The following NEURL4 variants were observed in gnomAD, a reference collection of about 807,000 sequenced individuals.
NEURL4 encodes the protein neuralized-like protein 4.
A neutral mutation model predicts 148.0 loss-of-function variants in NEURL4; 45 were observed. That is an observed-to-expected ratio of 0.30 (90% CI 0.24 to 0.39). The LOEUF is 0.39. Ranked by LOEUF, NEURL4 falls within the 10% of genes least tolerant of loss-of-function variation. The probability of loss-of-function intolerance (pLI) is 1.00; values close to 1 mark genes in which losing one functional copy is unlikely to be tolerated. For synonymous variants in NEURL4, 854 were observed against 869.0 expected, an observed-to-expected ratio of 0.98 and a Z score of 0.30; for missense variants, 1,776 against 2,144.0, an observed-to-expected ratio of 0.83 and a Z score of 3.39.
chr17:7,327,206 G>A lies in NEURL4; in HGVS notation c.752C>T (p.Ala251Val). ...GCTGTTAGGAAACGTCTCCGGCCGG[G>A]CCTGCGCTGGGGACACCATGAAGGC... is the stretch of plus-strand genomic sequence containing the variant. The part of the protein sequence containing the change: ...DEAFMVSPAQ[A>V]RPETFPNSLE... The change falls in exon 3 of 29, where the codon GCC (alanine) becomes GTC (valine). Residue 251 changes from alanine to valine, a missense_variant. By Grantham distance (64) the Ala-to-Val change is moderately conservative. Transcript: ENST00000399464. The surrounding 1 kb of genome is among the most constrained non-coding windows in gnomAD (Gnocchi z 6.6). The A allele has an allele frequency of 6.2e-7, 1 of 1,611,818 alleles. No individual in the cohort carries two copies. The highest frequency in any genetic ancestry group is 2.2e-5 in the East Asian group (1 of 44,854).
chr17:7,325,162 C>CAAAAAAAAA, intron 8 of NEURL4, 47 bp downstream of exon 8: 3 of 748,830 alleles, frequency 4.0e-6, no homozygotes, highest in Non-Finnish European at 6.4e-6. Flanking sequence ...CCCCCCCCCC[C>CAAAAAAAAA]CATTAGAATC....
Position 7,327,218 on chromosome 17 carries a change from G to T in NEURL4, c.740C>A (p.Ser247Tyr). 6.2e-7 allele frequency: 1 copy of T among 1,610,916 alleles called. No homozygotes were observed. The highest frequency in any genetic ancestry group is 8.5e-7 in the Non-Finnish European group (1 of 1,179,412). Residue 247 changes from serine (S) to tyrosine (Y), a missense_variant, in exon 3 of 29, where the codon TCC becomes TAC. Ser to Tyr is a moderately radical substitution (Grantham distance 144). Transcript: ENST00000399464. The surrounding 1 kb of genome is among the most constrained non-coding windows in gnomAD (Gnocchi z 6.6). The stretch of plus-strand genomic sequence containing the variant: ...CGTCTCCGGCCGGGCCTGCGCTGGG[G>T]ACACCATGAAGGCTGGGGACCAGGT... ...GTSADEAFMV[S>Y]PAQARPETFP... is the part of the protein sequence containing the mutation.
chr17:7,318,932 T>C lies in NEURL4; in HGVS notation c.3684+118A>G. ...CTACTCGCCCTTGCCTGCCCATTAC[T>C]GTTCCCCTTTTACACCTGTGGTCCT... On this transcript the variant is annotated intron_variant, in intron 22 of 28. Transcript: ENST00000399464. This position sits in a 1 kb window ranked among gnomAD's most constrained non-coding sequence, Gnocchi z 4.3. The C allele has an allele frequency of 8.3e-7, 1 of 1,204,640 alleles. No homozygotes were observed. The highest frequency in any genetic ancestry group is 2.4e-5 in the East Asian group (1 of 41,956). 74.6% of individuals were successfully genotyped at this position (1,204,640 alleles called of 1,614,324 possible).
rs756578159 is a variant in NEURL4, at chr17:7,329,076, T to C, written c.237A>G (p.Glu79=). ...EFNHGLVLSR[E]PLRDGRVFTV... is the part of the protein sequence containing the mutation. The stretch of plus-strand genomic sequence containing the variant: ...TGAAGACGCGTCCATCGCGCAAGGG[T>C]TCTCGGCTCAACACCAGCCCGTGGT... Residue 79 remains glutamate, a synonymous_variant, in exon 1 of 29, where the codon GAA becomes GAG. Transcript: ENST00000399464. The C allele has an allele frequency of 6.2e-7, 1 of 1,603,742 alleles. No homozygotes were observed. The highest frequency in any genetic ancestry group is 1.1e-5 in the South Asian group (1 of 89,116).
chr17:7,327,005 A>G lies in NEURL4; in HGVS notation c.798T>C (p.Phe266=). Residue 266 remains phenylalanine (F), a synonymous_variant, in exon 4 of 29, where the codon TTT becomes TTC. Coordinates refer to ENST00000399464, the MANE Select transcript of NEURL4 (RefSeq NM_032442.3). The surrounding 1 kb of genome is among the most constrained non-coding windows in gnomAD (Gnocchi z 6.6). ...CCACCTCAGACAGCTCCATGTTGGC[A>G]AAGTCTATAGCAGCAGGATGGAAGA... is the stretch of plus-strand genomic sequence containing the variant. The part of the protein sequence containing the change: ...FPNSLESHND[F]ANMELSEVVS... The G allele has an allele frequency of 6.2e-7, 1 of 1,610,376 alleles. No individual in the cohort carries two copies.
chr17:7,316,301 G>A lies in NEURL4; in HGVS notation c.4511C>T (p.Thr1504Met), dbSNP rs1478264806. Residue 1504 changes from threonine to methionine, a missense_variant, in exon 29 of 29, where the codon ACG becomes ATG. Physicochemically the swap from Thr to Met is moderately conservative, Grantham distance 81. Transcript: ENST00000399464. ...VQFRDPKSQR[T>M]HQAQVAFQVC... ...CTGGAACGCCACCTGAGCCTGGTGCGTCCGCTGGGATTTGGGGTCCCGGAA... is the reference window on the plus strand; with the variant it reads ...CTGGAACGCCACCTGAGCCTGGTGCATCCGCTGGGATTTGGGGTCCCGGAA... 4 of 1,612,696 alleles carry A rather than the reference G, an allele frequency of 2.5e-6. No individual in the cohort carries two copies. The highest frequency in any genetic ancestry group is 1.7e-5 in the Admixed American group (1 of 60,000).
Position 7,317,447 on chromosome 17 carries a change from C to T in NEURL4, c.4318+14G>A. 1 of 1,613,814 alleles carries T rather than the reference C, an allele frequency of 6.2e-7. No individual in the cohort carries two copies. The highest frequency in any genetic ancestry group is 8.5e-7 in the Non-Finnish European group (1 of 1,179,712). ...CAGGCTCAGCCCACCTTGCATGGGC[C>T]TACTCGCCAGTACCTGCTCCCAGCT... is the stretch of plus-strand genomic sequence containing the variant. On this transcript the variant is annotated intron_variant, in intron 27 of 28. Coordinates refer to ENST00000399464, the MANE Select transcript of NEURL4 (RefSeq NM_032442.3).
In NEURL4 at chr17:7,329,017, T is replaced by A. The variant is rs1317643972; in HGVS notation, c.282+14A>T. On this transcript the variant is annotated intron_variant, in intron 1 of 28. Coordinates refer to ENST00000399464, the MANE Select transcript of NEURL4 (RefSeq NM_032442.3). ...CACCCTCCACATCTCTGTTCCGCGG[T>A]ACCAGCGCTGCACCTTGCGGTCGAT... 1.3e-6 allele frequency: 2 copies of A among 1,532,346 alleles called. No homozygotes were observed. The allele number at this position is 1,532,346 out of a possible 1,614,324, so 94.9% of individuals were successfully genotyped here.
At chr17:7,328,427 TCTCA>T (rs1310739777) in intron 1 of NEURL4, among the ~76,000 whole-genome samples, 3 of 152,020 alleles carry the variant, frequency 2.0e-5, no homozygotes, top group Non-Finnish European at 4.4e-5. Flanking sequence ...TGAGACGGAG[TCTCA>T]CTCACTCTAT....
intron 21 of NEURL4, 55 bp from the exon 22 acceptor site, chr17:7,319,263 C>T (rs1048782109): frequency 5.0e-5 from 76 of 1,508,172 alleles, no homozygotes; most frequent in African/African-American, 9.7e-5. Flanking sequence ...AACCAGGCTC[C>T]GCACCCCAGC....
At position 7,321,233 on chromosome 17, in the gene NEURL4, C is replaced by T; in HGVS notation, c.3239G>A (p.Gly1080Asp). ...AVLDLYGPVRGVSIVSSTRLE... is the reference protein window; with the variant it reads ...AVLDLYGPVRDVSIVSSTRLE... Reference sequence around the variant, plus strand: ...TCTCGTGGAACTGACAATTGACACACCGCGGACTGGCCCGTAGAGATCCAA... The same window carrying T: ...TCTCGTGGAACTGACAATTGACACATCGCGGACTGGCCCGTAGAGATCCAA... Residue 1080 changes from glycine (G) to aspartate (D), a missense_variant, in exon 20 of 29, where the codon GGT (glycine) becomes GAT (aspartate). Transcript: ENST00000399464. The surrounding 1 kb of genome is among the most constrained non-coding windows in gnomAD (Gnocchi z 6.3). 6.2e-7 allele frequency: 1 copy of T among 1,614,058 alleles called. No individual in the cohort carries two copies. Among genetic ancestry groups the T allele is most frequent in the Non-Finnish European group, 8.5e-7 (1 of 1,180,024 alleles).
Position 7,327,960 on chromosome 17 carries a change from TCAGA to T in NEURL4, c.283-80_283-77del. On this transcript the variant is annotated intron_variant, in intron 1 of 28. Transcript: ENST00000399464. This position sits in a 1 kb window ranked among gnomAD's most constrained non-coding sequence, Gnocchi z 6.6. ...ACAGGCCACCATATCTTCCCACCTCTCAGACAGCTAGCTGGCTTTCTGTCTCTTG... is the reference window on the plus strand; with the variant it reads ...ACAGGCCACCATATCTTCCCACCTCTCAGCTAGCTGGCTTTCTGTCTCTTG... 1 of 1,174,714 alleles carries T rather than the reference TCAGA, an allele frequency of 8.5e-7. No individual in the cohort carries two copies. The highest frequency in any genetic ancestry group is 1.2e-6 in the Non-Finnish European group (1 of 847,476). The allele number at this position is 1,174,714 out of a possible 1,614,324, so 72.8% of individuals were successfully genotyped here. A position where few individuals can be genotyped will look rare whatever the true frequency, so the allele number is the denominator to read the frequency against.
intron 1 of NEURL4, among the ~76,000 whole-genome samples, chr17:7,328,669 C>G (rs368546326): frequency 1.1e-4 from 16 of 152,216 alleles, no homozygotes; most frequent in African/African-American, 2.9e-4. Context: ...TCCCAAAGTG[C>G]TGGGATTACG....
chr17:7,322,453 C>T lies in NEURL4; in HGVS notation c.2725+282G>A, dbSNP rs1395591511. Among the ~76,000 whole-genome samples the T allele has an allele frequency of 6.6e-6, 1 of 152,178 alleles. No individual in the cohort carries two copies. The highest frequency in any genetic ancestry group is 1.5e-5 in the Non-Finnish European group (1 of 68,032). ...GATTACAGGCGTGAGCTACTGCGCC[C>T]GGCCCTGATACCTCTTTTCACCACA... On this transcript the variant is annotated intron_variant, in intron 16 of 28. Coordinates refer to ENST00000399464, the MANE Select transcript of NEURL4 (RefSeq NM_032442.3). The surrounding 1 kb of genome is among the most constrained non-coding windows in gnomAD (Gnocchi z 5.5).
In NEURL4 at chr17:7,329,128, C is replaced by G. The variant is rs764040881; in HGVS notation, c.185G>C (p.Arg62Pro). Reference protein sequence around the residue: ...VSLSACGRTARRQQPGQEFNH... With the variant: ...VSLSACGRTAPRQQPGQEFNH... ...AAACTCCTGGCCCGGCTGCTGCCGC[C>G]GCGCCGTACGCCCACAGGCCGACAG... The change falls in exon 1 of 29, where the codon CGG (arginine) becomes CCG (proline). Residue 62 changes from arginine (R) to proline (P), a missense_variant. Coordinates refer to ENST00000399464, the MANE Select transcript of NEURL4 (RefSeq NM_032442.3). The G allele has an allele frequency of 1.2e-6, 2 of 1,609,662 alleles. No individual in the cohort carries two copies. The highest frequency in any genetic ancestry group is 2.2e-5 in the East Asian group (1 of 44,820).
chr17:7,325,773 A>G, intron 6 of NEURL4, 60 bp from the exon 7 acceptor site: 1 of 1,332,182 alleles, frequency 7.5e-7, no homozygotes, highest in Non-Finnish European at 1.1e-6. Flanking sequence ...ACCCCACTCC[A>G]CACAGGAACA....
chr17:7,316,242 G>A lies in NEURL4; in HGVS notation c.4570C>T (p.Pro1524Ser), dbSNP rs1169027003. The change falls in exon 29 of 29, where the codon CCC becomes TCC. Residue 1524 changes from proline (P) to serine (S), a missense_variant. Pro to Ser is a moderately conservative substitution (Grantham distance 74, BLOSUM62 -1). Coordinates refer to ENST00000399464, the MANE Select transcript of NEURL4 (RefSeq NM_032442.3). Reference sequence around the variant, plus strand: ...GGTTCTCCAAGGGCAGCGGAAGGGGGTCCCGGGGTGTAGGAGCCAGGGCGC... The same window carrying A: ...GGTTCTCCAAGGGCAGCGGAAGGGGATCCCGGGGTGTAGGAGCCAGGGCGC... ...CVRPGSYTPG[P>S]PSAALGEPPD... The A allele has an allele frequency of 5.0e-6, 8 of 1,613,804 alleles. No homozygotes were observed. The highest frequency in any genetic ancestry group is 1.7e-4 in the Middle Eastern group (1 of 5,924).
rs940466874 is a variant in NEURL4, at chr17:7,326,186, C to T, written c.1293+69G>A. ...GTCACATAGGAGACCCTGCTTGGTGCCCTGGCAGGGACACAGAGTACCTGT... is the reference window on the plus strand; with the variant it reads ...GTCACATAGGAGACCCTGCTTGGTGTCCTGGCAGGGACACAGAGTACCTGT... On this transcript the variant is annotated intron_variant, in intron 6 of 28. Transcript: ENST00000399464. The surrounding 1 kb of genome is among the most constrained non-coding windows in gnomAD (Gnocchi z 6.0). 3.5e-6 allele frequency: 5 copies of T among 1,447,028 alleles called. No individual in the cohort carries two copies. The African/African-American group carries it at 7.0e-5, about 20-fold the overall frequency. The allele number at this position is 1,447,028 out of a possible 1,614,324, so 89.6% of individuals were successfully genotyped here. A position where few individuals can be genotyped will look rare whatever the true frequency, so the allele number is the denominator to read the frequency against.
rs761971790 is a variant in NEURL4 at position 7,320,745 on chromosome 17, G to C, written c.3525+14C>G. Reference sequence around the variant, plus strand: ...TGGAGCGAGAGAAGCTGGGGATAGGGAGGGAGAACCCACCTGCACCAGCAG... The same window carrying C: ...TGGAGCGAGAGAAGCTGGGGATAGGCAGGGAGAACCCACCTGCACCAGCAG... On this transcript the variant is annotated intron_variant, in intron 21 of 28. Coordinates refer to ENST00000399464, the MANE Select transcript of NEURL4 (RefSeq NM_032442.3). 1.2e-6 allele frequency: 2 copies of C among 1,609,132 alleles called. No individual in the cohort carries two copies. The highest frequency in any genetic ancestry group is 1.7e-6 in the Non-Finnish European group (2 of 1,176,862).
Sources: allele counts gnomAD v4.1 joint callset (sites outside exome capture counted in the v4.1 genomes callset), GRCh38; gene constraint gnomAD v4.1.1; non-coding constraint Gnocchi (gnomAD v3.1); transcripts MANE v1.5; gene names NCBI Gene and HGNC (gene_info 2026-07-23, HGNC 2026-07-21).